The following RPS6KA2 variants were observed in gnomAD, a reference collection of about 807,000 sequenced individuals.
RPS6KA2 encodes ribosomal protein S6 kinase alpha-2.
In RPS6KA2, 42 loss-of-function variants were observed where a neutral mutation model predicts 91.8. That is an observed-to-expected ratio of 0.46 (90% CI 0.36 to 0.59). The LOEUF is 0.59. Ranked by LOEUF, RPS6KA2 falls within the 20% of genes least tolerant of loss-of-function variation. RPS6KA2 has a pLI of 0.00. For synonymous variants in RPS6KA2, 414 were observed against 393.6 expected (o/e 1.05, Z -0.61); for missense variants, 798 against 978.5 (o/e 0.82, Z 2.46).
At chr6:166,576,040 TAGTG>T (rs1351556028) in intron 1 of RPS6KA2, among the ~76,000 whole-genome samples, 1 of 152,190 alleles carries the variant, frequency 6.6e-6, no homozygotes, top group East Asian at 1.9e-4. Flanking sequence ...ATTCTCGTGA[TAGTG>T]AGTAAGTCTC....
intron 2 of RPS6KA2, among the ~76,000 whole-genome samples, chr6:166,829,589 C>CAAAAAAAAA (rs57711560): frequency 1.7e-4 from 16 of 96,894 alleles, no homozygotes; most frequent in African/African-American, 7.1e-4. Context: ...GACTCTGTCT[C>CAAAAAAAAA]AAAAAAAAAA....
intron 2 of RPS6KA2, among the ~76,000 whole-genome samples, chr6:166,691,212 TAA>T (rs1789197828): frequency 6.6e-6 from 1 of 152,144 alleles, no homozygotes; most frequent in Non-Finnish European, 1.5e-5. Flanking sequence ...TAGCCTCCAC[TAA>T]GAGTGCTGCC....
chr6:166,567,564 T>C (rs1206436885), intron 1 of RPS6KA2, among the ~76,000 whole-genome samples: 1 of 152,018 alleles, frequency 6.6e-6, no homozygotes, highest in Non-Finnish European at 1.5e-5. Context: ...CGGTACCAGG[T>C]TTCTAAGAAA....
intron 2 of RPS6KA2, among the ~76,000 whole-genome samples, chr6:166,758,642 A>G (rs1443097644): frequency 1.3e-5 from 2 of 152,226 alleles, no homozygotes; most frequent in Admixed American, 1.3e-4. Flanking sequence ...AACAGAAGAG[A>G]CCTACCAACT....
At chr6:166,814,258 G>A (rs74300229) in intron 2 of RPS6KA2, among the ~76,000 whole-genome samples, 18,147 of 152,098 alleles carry the variant, frequency 0.12, 1,362 homozygotes, top group East Asian at 0.27. Context: ...AAATAACAAA[G>A]ACAAAATATT....
intron 2 of RPS6KA2, among the ~76,000 whole-genome samples, chr6:166,802,274 T>TA (rs879452802): frequency 0.021 from 1,794 of 86,788 alleles, 27 homozygotes; most frequent in African/African-American, 0.067. Context: ...CGTCTCAAAA[T>TA]AAAAAAAAAA....
At chr6:166,786,913 C>T (rs1386558906) in intron 2 of RPS6KA2, among the ~76,000 whole-genome samples, 2 of 152,036 alleles carry the variant, frequency 1.3e-5, no homozygotes, top group African/African-American at 2.4e-5. Context: ...GTACAAGAGG[C>T]CCGAGATAGG....
intron 1 of RPS6KA2, among the ~76,000 whole-genome samples, chr6:166,605,653 G>A (rs1785927475): frequency 6.6e-6 from 1 of 152,186 alleles, no homozygotes; most frequent in South Asian, 2.1e-4. Context: ...TAATGTGAAA[G>A]GGCCACGTGA....
At chr6:166,862,291 G>A (rs1439914157) in exon 1 of RPS6KA2, 4 of 1,568,534 alleles carry the variant, frequency 2.6e-6, no homozygotes, top group South Asian at 1.1e-5. Flanking sequence ...CGCAGAGGCC[G>A]GCGGGTGGCG....
At position 166,435,590 on chromosome 6, in the gene RPS6KA2, C is replaced by T. The variant is rs1025032283; in HGVS notation, c.1333-3100G>A. ...GAGGAAAATGAAAGAAGCTCCCAGG[C>T]TGAGGTCCTGTGGGGACAGGAGCTC... On this transcript the variant is annotated intron_variant, in intron 14 of 20. Coordinates refer to ENST00000265678, the MANE Select transcript of RPS6KA2 (RefSeq NM_021135.6). This position sits in a 1 kb window ranked among gnomAD's most constrained non-coding sequence, Gnocchi z 4.3. Among the ~76,000 whole-genome samples, 1 of 152,244 alleles carries T rather than the reference C, an allele frequency of 6.6e-6. No individual in the cohort carries two copies. The highest frequency in any genetic ancestry group is 6.5e-5 in the Admixed American group (1 of 15,290).
chr6:166,612,950 T>C lies in RPS6KA2; in HGVS notation c.99+13971A>G, dbSNP rs569873325. Among the ~76,000 whole-genome samples the C allele has an allele frequency of 2.9e-4, 44 of 152,212 alleles. No individual in the cohort carries two copies. The highest frequency in any genetic ancestry group is 9.4e-4 in the African/African-American group (39 of 41,454). On this transcript the variant is annotated intron_variant, in intron 1 of 20. Coordinates refer to ENST00000265678, the MANE Select transcript of RPS6KA2 (RefSeq NM_021135.6). The surrounding 1 kb of genome is among the most constrained non-coding windows in gnomAD (Gnocchi z 4.3). Reference sequence around the variant, plus strand: ...CCCCTCTCCTCCTGCCCTTTAATTATTGTTTAAAAGACAGATGCTTGAGCA... The same window carrying C: ...CCCCTCTCCTCCTGCCCTTTAATTACTGTTTAAAAGACAGATGCTTGAGCA...
At chr6:166,465,840 C>G (rs1281934146) in intron 11 of RPS6KA2, among the ~76,000 whole-genome samples, 1 of 152,242 alleles carries the variant, frequency 6.6e-6, no homozygotes, top group Non-Finnish European at 1.5e-5. Context: ...GACATGGACA[C>G]TTTGCTGGTG....
intron 2 of RPS6KA2, among the ~76,000 whole-genome samples, chr6:166,829,462 G>T (rs1006285837): frequency 1.3e-5 from 2 of 151,816 alleles, no homozygotes; most frequent in Non-Finnish European, 2.9e-5. Flanking sequence ...ATGGTGGCGG[G>T]CGCCCGTAGT....
intron 11 of RPS6KA2, among the ~76,000 whole-genome samples, chr6:166,464,714 AAC>A (rs530407275): frequency 6.6e-6 from 1 of 152,190 alleles, no homozygotes; most frequent in Non-Finnish European, 1.5e-5. Flanking sequence ...GGGAAAAACC[AAC>A]ACAGCTTCTA....
At chr6:166,775,814 C>T (rs1214320586) in intron 2 of RPS6KA2, among the ~76,000 whole-genome samples, 1 of 152,244 alleles carries the variant, frequency 6.6e-6, no homozygotes, top group Non-Finnish European at 1.5e-5. Context: ...TGGGATTCCA[C>T]GGCTGGAGCT....
intron 11 of RPS6KA2, chr6:166,460,618 A>C (rs1780246106): frequency 6.6e-6 from 1 of 152,452 alleles, no homozygotes; most frequent in South Asian, 2.1e-4. Flanking sequence ...GGGCCATGCC[A>C]GTGTGCTGAG....
At chr6:166,744,470 T>C (rs905356411) in intron 2 of RPS6KA2, among the ~76,000 whole-genome samples, 12 of 152,142 alleles carry the variant, frequency 7.9e-5, no homozygotes, top group African/African-American at 2.4e-4. Flanking sequence ...CTGCACTCCT[T>C]TCAAAACACA....
chr6:166,517,755 G>C (rs572798169), intron 3 of RPS6KA2, among the ~76,000 whole-genome samples: 1 of 152,144 alleles, frequency 6.6e-6, no homozygotes, highest in South Asian at 2.1e-4. Context: ...GATTACAGGC[G>C]TGAGCCACCG....
chr6:166,538,729 T>C lies in RPS6KA2; in HGVS notation c.155A>G (p.Glu52Gly), dbSNP rs779723845. ...CTCAAACTGGGAAGGATCTGCCTTCTCAAAGCCCTCCTTCACATGATGGCT... is the reference window on the plus strand; with the variant it reads ...CTCAAACTGGGAAGGATCTGCCTTCCCAAAGCCCTCCTTCACATGATGGCT... ...DISHHVKEGF[E>G]KADPSQFELL... is the part of the protein sequence containing the mutation. The change falls in exon 2 of 21, where the codon GAG becomes GGG. Residue 52 changes from glutamate (E) to glycine (G), a missense_variant. Glu to Gly is a moderately conservative substitution (Grantham distance 98). Transcript: ENST00000265678. 19 of 1,612,432 alleles carry C rather than the reference T, an allele frequency of 1.2e-5. No individual in the cohort carries two copies. The highest frequency in any genetic ancestry group is 1.7e-5 in the Admixed American group (1 of 60,006).
Sources: gnomAD v4.1 joint callset for allele counts (sites outside exome capture counted in the v4.1 genomes callset) on GRCh38, gnomAD v4.1.1 for gene constraint, Gnocchi (gnomAD v3.1) non-coding constraint, MANE v1.5 for transcripts, NCBI Gene and HGNC (gene_info 2026-07-23, HGNC 2026-07-21) for gene names.